Variants in GARIN1A observed in about 807,000 individuals in gnomAD.
GARIN1A encodes the protein Golgi-associated RAB2 interactor protein 1A.
the GARIN1A span, among the ~76,000 whole-genome samples, chr7:128,698,684 C>G: frequency 2.6e-5 from 4 of 152,182 alleles, no homozygotes; most frequent in East Asian, 7.7e-4. Flanking sequence ...ACTGCAACCT[C>G]TTCCTACTGA....
the GARIN1A span, among the ~76,000 whole-genome samples, chr7:128,679,002 A>G: frequency 1.3e-5 from 2 of 151,418 alleles, no homozygotes; most frequent in Non-Finnish European, 2.9e-5. Flanking sequence ...ACATACATAT[A>G]TACTTATGTA....
At chr7:128,692,997 A>G in the GARIN1A span, among the ~76,000 whole-genome samples, 1 of 152,272 alleles carries the variant, frequency 6.6e-6, no homozygotes, top group Non-Finnish European at 1.5e-5. Flanking sequence ...GGCCATTTAC[A>G]GAAGCTGTAA....
At chr7:128,672,191 T>A in the GARIN1A span, 4 of 491,850 alleles carry the variant, frequency 8.1e-6, no homozygotes, top group Non-Finnish European at 1.4e-5. Flanking sequence ...CTTTTTTTTT[T>A]CCCTTTTCTG....
chr7:128,687,762 C>T, the GARIN1A span: 1 of 152,326 alleles, frequency 6.6e-6, no homozygotes, highest in East Asian at 1.9e-4. Flanking sequence ...ACCATGGGTG[C>T]CTCAGCTGTA....
chr7:128,689,320 A>G, the GARIN1A span, among the ~76,000 whole-genome samples: 16 of 146,178 alleles, frequency 1.1e-4, no homozygotes, highest in Admixed American at 2.7e-4. Context: ...AGTGAGGAGC[A>G]CCTCTTACCG....
the GARIN1A span, among the ~76,000 whole-genome samples, chr7:128,688,352 C>G: frequency 6.6e-6 from 1 of 152,072 alleles, no homozygotes; most frequent in Non-Finnish European, 1.5e-5. Context: ...AACTTCTAGA[C>G]CAAACAGTAA....
At chr7:128,699,007 G>T in the GARIN1A span, among the ~76,000 whole-genome samples, 1 of 152,248 alleles carries the variant, frequency 6.6e-6, no homozygotes, top group East Asian at 1.9e-4. Flanking sequence ...TCTCGTGAGG[G>T]CTCTTGCTAC....
the GARIN1A span, chr7:128,677,491 C>T: frequency 2.9e-6 from 4 of 1,359,848 alleles, no homozygotes; most frequent in Non-Finnish European, 3.8e-6. Flanking sequence ...TCGGCGGCAG[C>T]GAGACTCCGT....
chr7:128,682,638 T>C, the GARIN1A span, among the ~76,000 whole-genome samples: 2 of 152,102 alleles, frequency 1.3e-5, no homozygotes, highest in Non-Finnish European at 2.9e-5. Flanking sequence ...CTGGAAGTGG[T>C]GCCATCTCTG....
the GARIN1A span, among the ~76,000 whole-genome samples, chr7:128,690,267 T>C: frequency 6.6e-6 from 1 of 152,256 alleles, no homozygotes; most frequent in Non-Finnish European, 1.5e-5. Flanking sequence ...ACACAAACAC[T>C]GCGGAAGGCC....
the GARIN1A span, chr7:128,677,734 C>G: frequency 1.9e-6 from 3 of 1,613,824 alleles, no homozygotes; most frequent in Non-Finnish European, 2.5e-6. Flanking sequence ...AAAGGCCTGT[C>G]CATCACCACC....
At chr7:128,687,981 C>T in the GARIN1A span, 1 of 151,962 alleles carries the variant, frequency 6.6e-6, no homozygotes, top group African/African-American at 2.4e-5. Context: ...CTCTATGAGA[C>T]CTAGATTCTT....
chr7:128,689,739 GGTGGGGGTC>G, the GARIN1A span, among the ~76,000 whole-genome samples: 1 of 103,914 alleles, frequency 9.6e-6, no homozygotes, highest in Non-Finnish European at 2.2e-5. Context: ...CCGGGAGGGA[GGTGGGGGTC>G]AGCCCCCGCC....
At chr7:128,679,533 A>G in the GARIN1A span, among the ~76,000 whole-genome samples, 4 of 152,028 alleles carry the variant, frequency 2.6e-5, no homozygotes, top group South Asian at 2.1e-4. Flanking sequence ...GACCCTTACA[A>G]ATTTTTACAA....
the GARIN1A span, chr7:128,680,090 T>C: frequency 6.3e-7 from 1 of 1,582,450 alleles, no homozygotes. Flanking sequence ...TGCTGGCGGC[T>C]GAGCAGACCA....
chr7:128,701,094 T>C, the GARIN1A span, among the ~76,000 whole-genome samples: 1 of 151,594 alleles, frequency 6.6e-6, no homozygotes, highest in African/African-American at 2.4e-5. Flanking sequence ...ATGCATTTGG[T>C]TCTGGACGTG....
chr7:128,706,923 T>C, the GARIN1A span, among the ~76,000 whole-genome samples: 2 of 152,180 alleles, frequency 1.3e-5, no homozygotes, highest in African/African-American at 2.4e-5. Flanking sequence ...GGTTGTATTA[T>C]TGACATTCAC....
the GARIN1A span, among the ~76,000 whole-genome samples, chr7:128,705,821 C>T: frequency 1.3e-5 from 2 of 152,042 alleles, no homozygotes; most frequent in Middle Eastern, 3.4e-3. Flanking sequence ...CGTGCCACTA[C>T]GCCCAGCTAA....
At chr7:128,695,795 C>T in the GARIN1A span, among the ~76,000 whole-genome samples, 7 of 152,164 alleles carry the variant, frequency 4.6e-5, no homozygotes, top group East Asian at 3.9e-4. This position sits in a 1 kb window ranked among gnomAD's most constrained non-coding sequence, Gnocchi z 4.5. Context: ...CTGTCCGCCT[C>T]GGCCTCCCAA....
Sources: gnomAD v4.1 joint callset for allele counts (sites outside exome capture counted in the v4.1 genomes callset) on GRCh38, gnomAD v4.1.1 for gene constraint, Gnocchi (gnomAD v3.1) non-coding constraint, MANE v1.5 for transcripts, NCBI Gene and HGNC (gene_info 2026-07-23, HGNC 2026-07-21) for gene names.